The following IQSEC1 variants were observed in gnomAD, a reference collection of about 807,000 sequenced individuals.
IQSEC1 encodes IQ motif and SEC7 domain-containing protein 1.
Under a neutral mutation model 91.0 loss-of-function variants are expected in IQSEC1, and 31 were observed. That is an observed-to-expected ratio of 0.34 (90% CI 0.26 to 0.46). IQSEC1 has a LOEUF of 0.46. Ranked by LOEUF, IQSEC1 falls within the 20% of genes least tolerant of loss-of-function variation. The pLI is 1.00. For synonymous variants in IQSEC1, 699 were observed against 662.6 expected (o/e 1.05, Z -0.84); for missense variants, 1,388 against 1,575.6 (o/e 0.88, Z 2.02).
chr3:12,938,038 C>T (rs1428038201), intron 2 of IQSEC1, among the ~76,000 whole-genome samples: 1 of 152,234 alleles, frequency 6.6e-6, no homozygotes, highest in East Asian at 1.9e-4. Context: ...TCCTGAGGGC[C>T]ACTCCCTGCA....
Position 12,935,606 on chromosome 3 carries a change from G to A in IQSEC1, c.1410C>T (p.Asn470=). The A allele has an allele frequency of 6.2e-7, 1 of 1,614,148 alleles. No homozygotes were observed. The highest frequency in any genetic ancestry group is 1.6e-4 in the Middle Eastern group (1 of 6,062). ...NSTSNSNDTI[N]CSSESSSRDS... The stretch of plus-strand genomic sequence containing the variant: ...CACGGGACGATGACTCGGAGCTGCA[G>A]TTGATGGTATCGTTGGAGTTGGACG... Residue 470 remains asparagine (N), a synonymous_variant, in exon 3 of 14, where the codon AAC becomes AAT. Coordinates refer to ENST00000613206, the MANE Select transcript of IQSEC1 (RefSeq NM_001134382.3). The surrounding 1 kb of genome is among the most constrained non-coding windows in gnomAD (Gnocchi z 8.0).
intron 1 of IQSEC1, among the ~76,000 whole-genome samples, chr3:12,946,446 A>C (rs1272348839): frequency 1.3e-5 from 2 of 152,190 alleles, no homozygotes; most frequent in East Asian, 3.8e-4. Flanking sequence ...ACATCCTATG[A>C]GCGTTAGGTG....
intron 6 of IQSEC1, among the ~76,000 whole-genome samples, chr3:12,917,706 G>A (rs1204180840): frequency 6.6e-6 from 1 of 152,218 alleles, no homozygotes; most frequent in Admixed American, 6.5e-5. Flanking sequence ...ATAAGTATCC[G>A]TGTGCAGGTT....
At chr3:13,243,580 G>A (rs1695058092) in intron 1 of IQSEC1, among the ~76,000 whole-genome samples, 1 of 152,206 alleles carries the variant, frequency 6.6e-6, no homozygotes, top group African/African-American at 2.4e-5. Context: ...CTACACCCCA[G>A]TAGAAGCTGA....
chr3:13,230,555 T>G (rs1366215875), intron 1 of IQSEC1, among the ~76,000 whole-genome samples: 1 of 152,172 alleles, frequency 6.6e-6, no homozygotes, highest in Non-Finnish European at 1.5e-5. Flanking sequence ...TTGCTTTAAC[T>G]GGACCCCTTC....
chr3:13,129,502 T>C (rs146699850), intron 2 of IQSEC1, among the ~76,000 whole-genome samples: 1 of 152,200 alleles, frequency 6.6e-6, no homozygotes. Context: ...GATATTTTTC[T>C]TCGTCCTTTG....
Position 13,089,289 on chromosome 3 carries a change from G to T in IQSEC1, c.303-41767C>A, listed in dbSNP as rs182442432. Among the ~76,000 whole-genome samples, 379 of 152,358 alleles carry T rather than the reference G, an allele frequency of 2.5e-3. 2 individuals carry two copies. The highest frequency in any genetic ancestry group is 0.018 in the South Asian group (85 of 4,832). The stretch of plus-strand genomic sequence containing the variant: ...ATGAAACATTATTTAGCCATAAAAA[G>T]AAATAAAATTTGGGGAGCACTAGCC... On this transcript the variant is annotated intron_variant, in intron 2 of 15. Transcript: ENST00000648114.
intron 2 of IQSEC1, among the ~76,000 whole-genome samples, chr3:13,078,610 A>G (rs1705599563): frequency 6.6e-6 from 1 of 152,168 alleles, no homozygotes; most frequent in African/African-American, 2.4e-5. Context: ...ATCTATGTCC[A>G]CCTGCAGGTG....
intron 1 of IQSEC1, among the ~76,000 whole-genome samples, chr3:13,033,313 G>A (rs1040002854): frequency 2.0e-5 from 3 of 152,112 alleles, no homozygotes; most frequent in African/African-American, 7.2e-5. Flanking sequence ...AGAGGCTTCC[G>A]TAACAAAACA....
rs970951070 is a variant in IQSEC1, at chr3:13,282,535, A to T, written c.272+176T>A. 6.7e-6 allele frequency among the ~76,000 whole-genome samples: 1 copy of T among 149,674 alleles called. No individual in the cohort carries two copies. Among genetic ancestry groups the T allele is most frequent in the African/African-American group, 2.5e-5 (1 of 40,428 alleles). On this transcript the variant is annotated intron_variant, in intron 1 of 15. Transcript: ENST00000648114. The surrounding 1 kb of genome is among the most constrained non-coding windows in gnomAD (Gnocchi z 6.4). ...GATCGAGCTCCGGATCTGGGCGGCG[A>T]CCCCGCCAGAGAATCCCAGGGAGCC...
intron 1 of IQSEC1, chr3:13,053,152 G>A (rs1445949838): frequency 2.3e-5 from 18 of 767,532 alleles, no homozygotes; most frequent in South Asian, 1.5e-4. Context: ...CACACACCAC[G>A]ATGATGGAGA....
intron 1 of IQSEC1, among the ~76,000 whole-genome samples, chr3:13,204,717 CTCTA>C (rs962350618): frequency 5.3e-5 from 8 of 152,152 alleles, no homozygotes; most frequent in East Asian, 3.9e-4. Context: ...TGTCCGTTTT[CTCTA>C]TCTCTTTCTT....
At chr3:12,980,641 G>C (rs1701404814) in intron 1 of IQSEC1, among the ~76,000 whole-genome samples, 2 of 152,178 alleles carry the variant, frequency 1.3e-5, no homozygotes, top group Non-Finnish European at 2.9e-5. Context: ...TCAATGCCCT[G>C]CCATGCACGG....
chr3:12,944,602 G>C (rs60662034), intron 1 of IQSEC1, among the ~76,000 whole-genome samples: 15,400 of 152,210 alleles, frequency 0.1, 1,621 homozygotes, highest in African/African-American at 0.27. Context: ...ACACACGCCC[G>C]GGACTGGAAG....
rs906693083 is a variant in IQSEC1 at position 13,282,840 on chromosome 3, C to T, written c.143G>A (p.Arg48Gln). Among the ~76,000 whole-genome samples, 5 of 147,860 alleles carry T rather than the reference C, an allele frequency of 3.4e-5. No individual in the cohort carries two copies. The highest frequency in any genetic ancestry group is 1.2e-4 in the African/African-American group (5 of 40,960). ...TCGCTCCAGCAGGCCGGCGTTCTCC[C>T]GGCTCAGCCGCGCCACTTGGCGCTC... The change falls in exon 1 of 16, where the codon CGG becomes CAG. Residue 48 changes from arginine to glutamine, a missense_variant. By Grantham distance (43) the Arg-to-Gln change is conservative (BLOSUM62 1). Transcript: ENST00000648114. This position sits in a 1 kb window ranked among gnomAD's most constrained non-coding sequence, Gnocchi z 6.4.
At chr3:13,233,524 C>A (rs1237334356) in intron 1 of IQSEC1, among the ~76,000 whole-genome samples, 1 of 152,206 alleles carries the variant, frequency 6.6e-6, no homozygotes, top group African/African-American at 2.4e-5. Flanking sequence ...GTCTATTCCA[C>A]CGTGTGGACA....
At chr3:12,968,306 T>C (rs1213941604) in intron 1 of IQSEC1, among the ~76,000 whole-genome samples, 1 of 152,154 alleles carries the variant, frequency 6.6e-6, no homozygotes, top group African/African-American at 2.4e-5. Context: ...TGGCGGCTTT[T>C]TGGGGGAAGA....
chr3:13,141,777 A>C (rs185952696), intron 2 of IQSEC1, among the ~76,000 whole-genome samples: 377 of 152,374 alleles, frequency 2.5e-3, no homozygotes, highest in Non-Finnish European at 4.3e-3. Context: ...GAAAGAGGTT[A>C]GAGAAAGACG....
In IQSEC1 at chr3:13,183,067, G is replaced by C. The variant is rs1028951082; in HGVS notation, c.273-18934C>G. ...TAGTCCCAGCTACTCGGGAGGCTGAGGCAGGAGAATCACTTGAACCTGGGA... is the reference window on the plus strand; with the variant it reads ...TAGTCCCAGCTACTCGGGAGGCTGACGCAGGAGAATCACTTGAACCTGGGA... On this transcript the variant is annotated intron_variant, in intron 1 of 15. Transcript: ENST00000648114. 2.0e-5 allele frequency among the ~76,000 whole-genome samples: 3 copies of C among 152,200 alleles called. No individual in the cohort carries two copies. In the East Asian group the frequency reaches 5.8e-4, roughly 29 times the overall value.
Sources: allele counts gnomAD v4.1 joint callset (sites outside exome capture counted in the v4.1 genomes callset), GRCh38; gene constraint gnomAD v4.1.1; non-coding constraint Gnocchi (gnomAD v3.1); transcripts MANE v1.5; gene names NCBI Gene and HGNC (gene_info 2026-07-23, HGNC 2026-07-21).